NFIB: variants seen among roughly 807,000 people sequenced by gnomAD.
The protein encoded by NFIB is nuclear factor 1 B-type.
A neutral mutation model predicts 61.5 loss-of-function variants in NFIB; 11 were observed. The observed-to-expected ratio is 0.18, with a 90% confidence interval of 0.11 to 0.30. The LOEUF (loss-of-function observed/expected upper bound fraction) is 0.30. Among genes scored for constraint, NFIB ranks in the 10% least tolerant of loss-of-function variants. The pLI, the probability that NFIB is intolerant of heterozygous loss-of-function variation, is 1.00. For synonymous variants in NFIB, 260 were observed against 216.5 expected (o/e 1.20, Z -1.76); for missense variants, 471 against 608.9 (o/e 0.77, Z 2.38).
chr9:14,352,157 G>T (rs554510112), intron 1 of NFIB, among the ~76,000 whole-genome samples: 1 of 151,898 alleles, frequency 6.6e-6, no homozygotes, highest in East Asian at 1.9e-4. Context: ...ATCATAAAAG[G>T]AACACATGCG....
At chr9:14,310,333 T>G (rs1186510270) in intron 1 of NFIB, among the ~76,000 whole-genome samples, 1 of 152,176 alleles carries the variant, frequency 6.6e-6, no homozygotes, top group East Asian at 1.9e-4. Flanking sequence ...GGTTTCACTA[T>G]TATGTGAATT....
At chr9:14,485,461 T>C in the NFIB span, among the ~76,000 whole-genome samples, 1 of 152,250 alleles carries the variant, frequency 6.6e-6, no homozygotes, top group Admixed American at 6.5e-5. Flanking sequence ...GATTGAACTA[T>C]ACAATACACC....
intron 4 of NFIB, among the ~76,000 whole-genome samples, chr9:14,155,454 A>G (rs2043289484): frequency 6.6e-6 from 1 of 152,218 alleles, no homozygotes; most frequent in Admixed American, 6.5e-5. Flanking sequence ...TAGTAAAATG[A>G]AAAAGCACTT....
chr9:14,446,955 G>A, the NFIB span, among the ~76,000 whole-genome samples: 1 of 151,992 alleles, frequency 6.6e-6, no homozygotes. Context: ...CATTTCCCCT[G>A]AAAATACCTT....
intron 1 of NFIB, among the ~76,000 whole-genome samples, chr9:14,381,516 A>G (rs2061489190): frequency 6.6e-6 from 1 of 152,162 alleles, no homozygotes; most frequent in Admixed American, 6.5e-5. Context: ...AACTGTAACG[A>G]TTTTTTAAAT....
chr9:14,387,372 C>T (rs1164849442), intron 1 of NFIB, among the ~76,000 whole-genome samples: 2 of 152,092 alleles, frequency 1.3e-5, no homozygotes, highest in East Asian at 3.8e-4. Context: ...CCACTTGAAA[C>T]ATAACTAAAA....
chr9:14,495,048 A>C, the NFIB span, among the ~76,000 whole-genome samples: 1 of 152,370 alleles, frequency 6.6e-6, no homozygotes, highest in South Asian at 2.1e-4. Flanking sequence ...ACATGTTTAA[A>C]AACTTCTGGT....
intron 1 of NFIB, among the ~76,000 whole-genome samples, chr9:14,391,610 T>C (rs755573587): frequency 6.6e-6 from 1 of 151,992 alleles, no homozygotes; most frequent in Non-Finnish European, 1.5e-5. Flanking sequence ...AAGGGAAAAA[T>C]GCCTCGAGTG....
chr9:14,375,769 A>T (rs2061412117), intron 1 of NFIB, among the ~76,000 whole-genome samples: 1 of 152,332 alleles, frequency 6.6e-6, no homozygotes, highest in South Asian at 2.1e-4. Context: ...GAATCTTTTA[A>T]GAGGAAAAAT....
rs1027697268 is a variant in NFIB, at chr9:14,274,239, ATTC to A, written c.562+32747_562+32749del. ...GCTCTACCCCCTTTCTCTCTCTAGC[ATTC>A]TTCCTCCCTACACACACACACACAC... On this transcript the variant is annotated intron_variant, in intron 2 of 10. Transcript: ENST00000380953. Among the ~76,000 whole-genome samples, 6 of 97,476 alleles carry A rather than the reference ATTC, an allele frequency of 6.2e-5. 1 individual carries two copies. The highest frequency in any genetic ancestry group is 2.6e-4 in the African/African-American group (6 of 23,374). The allele number at this position is 97,476 out of a possible 152,430, so 63.9% of individuals were successfully genotyped here. A position where few individuals can be genotyped will look rare whatever the true frequency, so the allele number is the denominator to read the frequency against.
intron 1 of NFIB, among the ~76,000 whole-genome samples, chr9:14,356,065 G>C (rs2061173327): frequency 6.6e-6 from 1 of 152,098 alleles, no homozygotes; most frequent in South Asian, 2.1e-4. Flanking sequence ...AAACTGTGTG[G>C]CCAGTGCTAG....
At chr9:14,386,843 G>A (rs1467801608) in intron 1 of NFIB, among the ~76,000 whole-genome samples, 1 of 152,188 alleles carries the variant, frequency 6.6e-6, no homozygotes, top group Non-Finnish European at 1.5e-5. Context: ...GCTCCTTGGT[G>A]TGTTATTAGG....
intron 2 of NFIB, among the ~76,000 whole-genome samples, chr9:14,249,044 T>A (rs771264250): frequency 2.0e-4 from 30 of 152,238 alleles, no homozygotes; most frequent in Non-Finnish European, 4.0e-4. Context: ...TAACTTCAGT[T>A]TCTTACACTT....
Position 14,313,685 on chromosome 9 carries a change from A to C in NFIB, c.-174T>G. ...AAACCCAGTCCTCCTTAAATAGCCA[A>C]AGATTCAAGTTCACTCGGCGTGCTA... is the stretch of plus-strand genomic sequence containing the variant. On this transcript the variant is annotated 5_prime_UTR_variant, in exon 1 of 11. Transcript: ENST00000380953. The surrounding 1 kb of genome is among the most constrained non-coding windows in gnomAD (Gnocchi z 4.5). 1 of 1,436,970 alleles carries C rather than the reference A, an allele frequency of 7.0e-7. No homozygotes were observed. The highest frequency in any genetic ancestry group is 1.5e-5 in the South Asian group (1 of 68,674). The allele number at this position is 1,436,970 out of a possible 1,614,324, so 89.0% of individuals were successfully genotyped here.
the NFIB span, among the ~76,000 whole-genome samples, chr9:14,482,394 A>T: frequency 9.2e-5 from 14 of 152,068 alleles, no homozygotes; most frequent in African/African-American, 3.1e-4. Flanking sequence ...TCAGCCATGC[A>T]TCCCGCTCTC....
chr9:14,115,189 G>A (rs535412751), intron 9 of NFIB, among the ~76,000 whole-genome samples: 70 of 152,018 alleles, frequency 4.6e-4, no homozygotes, highest in African/African-American at 1.6e-3. Flanking sequence ...AAAAAAAAGA[G>A]CATCTTTCCA....
At chr9:14,379,813 G>A (rs1230287492) in intron 1 of NFIB, among the ~76,000 whole-genome samples, 4 of 152,170 alleles carry the variant, frequency 2.6e-5, no homozygotes, top group African/African-American at 9.6e-5. Flanking sequence ...CTCCCGAGTA[G>A]CTGGAATTAC....
the NFIB span, among the ~76,000 whole-genome samples, chr9:14,468,067 C>T: frequency 6.6e-6 from 1 of 152,180 alleles, no homozygotes; most frequent in African/African-American, 2.4e-5. Context: ...AATTTATGTG[C>T]AGAAATTATC....
In NFIB at chr9:14,155,827, C is replaced by T; in HGVS notation, c.683G>A (p.Arg228Lys). Residue 228 changes from arginine (R) to lysine (K), a missense_variant and splice_region_variant, in exon 4 of 11, where the codon AGA becomes AAA. By Grantham distance (26) the Arg-to-Lys change is conservative. Coordinates refer to ENST00000380953, the MANE Select transcript of NFIB (RefSeq NM_001190737.2). ...FNVSELVRVSRTPITQGTGVN... is the reference protein window; with the variant it reads ...FNVSELVRVSKTPITQGTGVN... ...TAGTAACAAAACAATTTACTTACTT[C>T]TGGATACTCTTACAAGTTCTGATAC... is the stretch of plus-strand genomic sequence containing the variant. 1 of 1,566,258 alleles carries T rather than the reference C, an allele frequency of 6.4e-7. No individual in the cohort carries two copies. The highest frequency in any genetic ancestry group is 8.7e-7 in the Non-Finnish European group (1 of 1,149,926).
Sources: allele counts gnomAD v4.1 joint callset (sites outside exome capture counted in the v4.1 genomes callset), GRCh38; gene constraint gnomAD v4.1.1; non-coding constraint Gnocchi (gnomAD v3.1); transcripts MANE v1.5; gene names NCBI Gene and HGNC (gene_info 2026-07-23, HGNC 2026-07-21).